Variants in CNTN3 observed in about 807,000 individuals in gnomAD.
CNTN3 encodes contactin-3.
Under a neutral mutation model 119.1 loss-of-function variants are expected in CNTN3, and 60 were observed. The ratio of observed to expected loss-of-function variants is 0.50; its 90% CI spans 0.41 to 0.62. CNTN3 has a LOEUF of 0.62. CNTN3 is among the 20% of genes least tolerant of loss of function. The pLI, the probability that CNTN3 is intolerant of heterozygous loss-of-function variation, is 0.00. For missense variants in CNTN3, 1,101 were observed against 1,242.4 expected, an observed-to-expected ratio of 0.89 and a Z score of 1.71; for synonymous variants, 450 against 438.7, an observed-to-expected ratio of 1.03 and a Z score of -0.32.
chr3:74,437,290 G>A (rs113661923), intron 4 of CNTN3, among the ~76,000 whole-genome samples: 3,892 of 151,954 alleles, frequency 0.026, 172 homozygotes, highest in African/African-American at 0.089. Flanking sequence ...ATGAAGCCCC[G>A]TCTCTACTAA....
intron 2 of CNTN3, among the ~76,000 whole-genome samples, chr3:74,511,043 G>A (rs1333192636): frequency 6.6e-6 from 1 of 151,986 alleles, no homozygotes; most frequent in African/African-American, 2.4e-5. Context: ...AGAGCTGCAC[G>A]ATGGTGGCTA....
At position 74,566,225 on chromosome 3, in the gene CNTN3, AC is replaced by A. The variant is rs1704223867; in HGVS notation, c.-80-45034del. Among the ~76,000 whole-genome samples the A allele has an allele frequency of 3.3e-5, 5 of 152,270 alleles. No individual in the cohort carries two copies. The South Asian group carries it at 1.0e-3, about 32-fold the overall frequency. ...TAGAGGGACTATTCACAACATATGA[AC>A]AAAGTTAAAGGAAACCAACCTAAGA... On this transcript the variant is annotated intron_variant, in intron 1 of 22. Coordinates refer to ENST00000263665, the MANE Select transcript of CNTN3 (RefSeq NM_020872.3).
chr3:74,338,427 T>C (rs1173875934), intron 11 of CNTN3, among the ~76,000 whole-genome samples: 1 of 152,040 alleles, frequency 6.6e-6, no homozygotes. Context: ...TACATATATG[T>C]GTATATACAC....
At chr3:74,611,249 CA>C (rs1288232325) in intron 1 of CNTN3, among the ~76,000 whole-genome samples, 10 of 152,170 alleles carry the variant, frequency 6.6e-5, no homozygotes, top group South Asian at 4.1e-4. Flanking sequence ...GGTTCTTGCA[CA>C]GTAAAGATTC....
chr3:74,471,256 A>T (rs1418108908), intron 4 of CNTN3, among the ~76,000 whole-genome samples: 1 of 152,054 alleles, frequency 6.6e-6, no homozygotes, highest in Non-Finnish European at 1.5e-5. Context: ...TGACAGGTTG[A>T]TGGGTACAGC....
chr3:74,545,408 A>G (rs1394011674), intron 1 of CNTN3, among the ~76,000 whole-genome samples: 3 of 151,950 alleles, frequency 2.0e-5, no homozygotes, highest in Admixed American at 6.6e-5. Flanking sequence ...ATCCCTTCAC[A>G]CTCCTTGATA....
chr3:74,561,527 C>T (rs1027751601), intron 1 of CNTN3, among the ~76,000 whole-genome samples: 2 of 152,078 alleles, frequency 1.3e-5, no homozygotes, highest in African/African-American at 4.8e-5. Context: ...CTACAAAGCT[C>T]CCTCATGCTG....
chr3:74,343,391 T>C (rs1408286554), intron 11 of CNTN3, among the ~76,000 whole-genome samples: 1 of 152,226 alleles, frequency 6.6e-6, no homozygotes, highest in Non-Finnish European at 1.5e-5. Context: ...AGACAGACTC[T>C]TTCTCTGGGG....
intron 16 of CNTN3, among the ~76,000 whole-genome samples, chr3:74,300,847 C>T (rs953020961): frequency 6.6e-6 from 1 of 152,122 alleles, no homozygotes; most frequent in Non-Finnish European, 1.5e-5. Flanking sequence ...AGTTTTAATG[C>T]TAGGATATTT....
chr3:74,600,226 G>C (rs1476072880), intron 1 of CNTN3, among the ~76,000 whole-genome samples: 3 of 152,024 alleles, frequency 2.0e-5, no homozygotes, highest in Admixed American at 6.6e-5. Context: ...TAGGGGAGTT[G>C]AAAGACGTCC....
intron 1 of CNTN3, among the ~76,000 whole-genome samples, chr3:74,531,470 A>C (rs1703691976): frequency 6.6e-6 from 1 of 152,042 alleles, no homozygotes; most frequent in South Asian, 2.1e-4. Flanking sequence ...AACAGGTAGC[A>C]TCTGAGGTAA....
At chr3:74,579,356 A>AC (rs1704467214) in intron 1 of CNTN3, among the ~76,000 whole-genome samples, 1 of 144,734 alleles carries the variant, frequency 6.9e-6, no homozygotes, top group South Asian at 2.2e-4. Context: ...AGCAGATCCC[A>AC]CCCCCCTCAA....
intron 1 of CNTN3, among the ~76,000 whole-genome samples, chr3:74,544,915 A>G (rs893120848): frequency 6.6e-6 from 1 of 152,164 alleles, no homozygotes; most frequent in Non-Finnish European, 1.5e-5. Context: ...CTCTTGCACA[A>G]TAAGATGGGG....
At chr3:74,517,242 A>C (rs1420844401) in intron 2 of CNTN3, among the ~76,000 whole-genome samples, 1 of 151,874 alleles carries the variant, frequency 6.6e-6, no homozygotes, top group Non-Finnish European at 1.5e-5. Flanking sequence ...TCTGGCCTTT[A>C]ACTTCTGCTT....
chr3:74,324,749 T>A (rs1191077768), intron 13 of CNTN3, among the ~76,000 whole-genome samples: 1 of 152,046 alleles, frequency 6.6e-6, no homozygotes, highest in Non-Finnish European at 1.5e-5. Context: ...TAATGAAAAT[T>A]CTTAGCCAAA....
intron 1 of CNTN3, among the ~76,000 whole-genome samples, chr3:74,603,291 T>C (rs1253831447): frequency 6.6e-6 from 1 of 152,168 alleles, no homozygotes; most frequent in Non-Finnish European, 1.5e-5. Context: ...GGAGTGAAGA[T>C]GTCAGCTACA....
chr3:74,436,633 A>G (rs1196618450), intron 4 of CNTN3, among the ~76,000 whole-genome samples: 1 of 152,230 alleles, frequency 6.6e-6, no homozygotes, highest in Admixed American at 6.5e-5. Context: ...TATGTTGTTT[A>G]TATAAAAACA....
intron 1 of CNTN3, among the ~76,000 whole-genome samples, chr3:74,601,934 A>G (rs1435976022): frequency 6.6e-6 from 1 of 152,084 alleles, no homozygotes; most frequent in Non-Finnish European, 1.5e-5. Context: ...TATGGAAACA[A>G]TAGAGCCAGA....
intron 1 of CNTN3, among the ~76,000 whole-genome samples, chr3:74,551,832 C>T (rs1230917208): frequency 2.3e-5 from 3 of 132,376 alleles, no homozygotes; most frequent in African/African-American, 2.9e-5. Flanking sequence ...GGCGCGATCT[C>T]GGTGCACTGC....
Sources: allele counts gnomAD v4.1 joint callset (sites outside exome capture counted in the v4.1 genomes callset), GRCh38; gene constraint gnomAD v4.1.1; transcripts MANE v1.5; gene names NCBI Gene and HGNC (gene_info 2026-07-23, HGNC 2026-07-21).